RSRC1: variants seen among roughly 807,000 people sequenced by gnomAD.
The protein encoded by RSRC1 is arginine and serine rich coiled-coil 1, also known as serine/Arginine-related protein 53.
A neutral mutation model predicts 49.1 loss-of-function variants in RSRC1; 39 were observed. That is an observed-to-expected ratio of 0.79 (90% CI 0.61 to 1.04). The LOEUF (loss-of-function observed/expected upper bound fraction) is 1.04. Ranked by LOEUF, RSRC1 falls within the 50% of genes least tolerant of loss-of-function variation. RSRC1 has a pLI of 0.00. For missense variants in RSRC1, 388 were observed against 402.4 expected (o/e 0.96, Z 0.31); for synonymous variants, 143 against 130.8 (o/e 1.09, Z -0.63).
At chr3:158,468,257 A>G (rs1474521722) in intron 7 of RSRC1, among the ~76,000 whole-genome samples, 1 of 152,166 alleles carries the variant, frequency 6.6e-6, no homozygotes, top group African/African-American at 2.4e-5. Context: ...CTACAAATAC[A>G]TTTCATGATC....
intron 6 of RSRC1, among the ~76,000 whole-genome samples, chr3:158,426,028 G>C (rs1299778580): frequency 1.3e-5 from 2 of 151,482 alleles, no homozygotes; most frequent in Admixed American, 1.3e-4. Context: ...TATAAGTGAG[G>C]GAAGATGGAT....
At chr3:158,327,221 G>T (rs551277408) in intron 5 of RSRC1, among the ~76,000 whole-genome samples, 2 of 152,154 alleles carry the variant, frequency 1.3e-5, no homozygotes, top group Admixed American at 6.5e-5. Flanking sequence ...GGTTTTTTGT[G>T]TCTCTATCTC....
At chr3:158,204,615 C>T (rs768439768) in intron 4 of RSRC1, among the ~76,000 whole-genome samples, 27 of 152,132 alleles carry the variant, frequency 1.8e-4, no homozygotes, top group African/African-American at 4.1e-4. Context: ...ATGATAAATT[C>T]GAAGGGAGGA....
chr3:158,175,431 T>A (rs947670191), intron 3 of RSRC1, among the ~76,000 whole-genome samples: 10 of 152,168 alleles, frequency 6.6e-5, no homozygotes, highest in Non-Finnish European at 1.3e-4. Flanking sequence ...TATCATTGTA[T>A]CTTTAATACT....
intron 5 of RSRC1, among the ~76,000 whole-genome samples, chr3:158,318,319 G>C (rs990788257): frequency 2.6e-5 from 4 of 152,132 alleles, no homozygotes; most frequent in Admixed American, 2.6e-4. Flanking sequence ...GGCAACATTA[G>C]GGTATTATGG....
intron 3 of RSRC1, among the ~76,000 whole-genome samples, chr3:158,139,642 T>G (rs60148130): frequency 0.081 from 12,335 of 151,444 alleles, 606 homozygotes; most frequent in South Asian, 0.13. Context: ...TAGTCTTTTT[T>G]TTTTTTTTTG....
intron 3 of RSRC1, among the ~76,000 whole-genome samples, chr3:158,163,486 G>A (rs1036660586): frequency 1.3e-5 from 2 of 152,120 alleles, no homozygotes; most frequent in Admixed American, 6.6e-5. Context: ...GATAGGTACA[G>A]CAAAACTACT....
At chr3:158,152,088 T>C (rs1386840812) in intron 3 of RSRC1, among the ~76,000 whole-genome samples, 2 of 152,142 alleles carry the variant, frequency 1.3e-5, no homozygotes, top group Non-Finnish European at 2.9e-5. Context: ...AAATGTTTTT[T>C]TTTTTCAGAT....
intron 6 of RSRC1, among the ~76,000 whole-genome samples, chr3:158,407,653 G>A (rs1296764187): frequency 1.3e-5 from 2 of 152,126 alleles, no homozygotes; most frequent in East Asian, 3.9e-4. Context: ...TGAAAATAAA[G>A]GAGACAGATT....
At chr3:158,239,523 A>G (rs995920477) in intron 4 of RSRC1, among the ~76,000 whole-genome samples, 6 of 146,354 alleles carry the variant, frequency 4.1e-5, no homozygotes, top group East Asian at 2.1e-4. Flanking sequence ...ATACTGTGCA[A>G]TGAGAACACT....
At chr3:158,312,104 G>A (rs1296673583) in intron 5 of RSRC1, among the ~76,000 whole-genome samples, 6 of 152,078 alleles carry the variant, frequency 3.9e-5, no homozygotes, top group Non-Finnish European at 5.9e-5. Context: ...TATTTTGGTT[G>A]TTGTCCCTGA....
intron 5 of RSRC1, among the ~76,000 whole-genome samples, chr3:158,352,193 G>A (rs1472546786): frequency 6.6e-6 from 1 of 151,850 alleles, no homozygotes; most frequent in Non-Finnish European, 1.5e-5. Context: ...GATTACTTAA[G>A]CCCAGGAGTT....
In RSRC1 at chr3:158,418,720, A is replaced by G. The variant is rs1169570814; in HGVS notation, c.584-42215A>G. 2.6e-5 allele frequency among the ~76,000 whole-genome samples: 4 copies of G among 151,938 alleles called. No individual in the cohort carries two copies. In the East Asian group the frequency reaches 7.8e-4, roughly 30 times the overall value. On this transcript the variant is annotated intron_variant, in intron 6 of 9. Coordinates refer to ENST00000611884, the MANE Select transcript of RSRC1 (RefSeq NM_001271838.2). The stretch of plus-strand genomic sequence containing the variant: ...AATACTTAAGTAAAACAAGTCCTAA[A>G]ATTTTACAGCCTTGAGTAGAGCAGA...
intron 4 of RSRC1, among the ~76,000 whole-genome samples, chr3:158,265,906 A>G (rs558154674): frequency 1.3e-5 from 2 of 152,224 alleles, no homozygotes; most frequent in Non-Finnish European, 2.9e-5. Flanking sequence ...TTTTTGTCAT[A>G]TACAGATGCC....
chr3:158,308,587 CA>C (rs1727965123), intron 5 of RSRC1, among the ~76,000 whole-genome samples: 1 of 151,772 alleles, frequency 6.6e-6, no homozygotes, highest in African/African-American at 2.4e-5. Context: ...CTTTCTGAGT[CA>C]AAAAACTAAC....
At chr3:158,354,353 T>C (rs952009393) in intron 5 of RSRC1, among the ~76,000 whole-genome samples, 1 of 152,228 alleles carries the variant, frequency 6.6e-6, no homozygotes, top group Admixed American at 6.5e-5. Context: ...AAAGCAATTT[T>C]AGGACAGTTC....
At chr3:158,302,329 T>C (rs759264073) in intron 5 of RSRC1, among the ~76,000 whole-genome samples, 1 of 152,196 alleles carries the variant, frequency 6.6e-6, no homozygotes, top group Non-Finnish European at 1.5e-5. Flanking sequence ...ATTTGTGTTA[T>C]AGCTCAGTGC....
At chr3:158,271,621 A>C (rs1488699188) in intron 4 of RSRC1, among the ~76,000 whole-genome samples, 1 of 152,174 alleles carries the variant, frequency 6.6e-6, no homozygotes, top group African/African-American at 2.4e-5. Flanking sequence ...AAATAATTAT[A>C]TAGCTATCTT....
intron 3 of RSRC1, among the ~76,000 whole-genome samples, chr3:158,161,659 G>A (rs1559924431): frequency 6.6e-6 from 1 of 152,194 alleles, no homozygotes; most frequent in Admixed American, 6.5e-5. Flanking sequence ...GTACTTGGGA[G>A]GCTGAGGCAG....
Sources: gnomAD v4.1 joint callset for allele counts (sites outside exome capture counted in the v4.1 genomes callset) on GRCh38, gnomAD v4.1.1 for gene constraint, MANE v1.5 for transcripts, NCBI Gene and HGNC (gene_info 2026-07-23, HGNC 2026-07-21) for gene names.